Variants in CPSF4L observed in about 807,000 individuals in gnomAD.
CPSF4L encodes cleavage and polyadenylation specific factor 4 like.
In CPSF4L, 18 loss-of-function variants were observed where a neutral mutation model predicts 24.0. The observed-to-expected ratio is 0.75, with a 90% CI of 0.52 to 1.11. The LOEUF is 1.11. Ranked by LOEUF, CPSF4L falls within the 50% of genes least tolerant of loss-of-function variation. The probability of loss-of-function intolerance (pLI) is 0.00; values close to 1 mark genes in which losing one functional copy is unlikely to be tolerated. For missense variants in CPSF4L, 211 were observed against 221.8 expected, an observed-to-expected ratio of 0.95 and a Z score of 0.31; for synonymous variants, 72 against 77.2, an observed-to-expected ratio of 0.93 and a Z score of 0.35.
downstream of CPSF4L, chr17:73,244,545 G>A (rs1568326078): frequency 9.8e-6 from 1 of 102,542 alleles, no homozygotes; most frequent in African/African-American, 3.7e-5. Flanking sequence ...TGGGCAACAA[G>A]TGAAACTGCA....
At position 73,248,826 on chromosome 17, in the gene CPSF4L, A is replaced by T. The variant is rs550021270; in HGVS notation, c.498-290T>A. On this transcript the variant is annotated intron_variant, in intron 5 of 5. Transcript: ENST00000344935. ...TACTTGGGAATGTGTAGTTTTTCTA[A>T]TGCACATTAAAATTTATTTTAGCTG... is the stretch of plus-strand genomic sequence containing the variant. The T allele has an allele frequency of 3.9e-4, 138 of 356,756 alleles. 1 individual carries two copies. Among genetic ancestry groups the T allele is most frequent in the African/African-American group, 2.7e-3 (127 of 47,856 alleles). 22.1% of individuals were successfully genotyped at this position (356,756 alleles called of 1,614,324 possible). A position where few individuals can be genotyped will look rare whatever the true frequency, so the allele number is the denominator to read the frequency against.
intron 4 of CPSF4L, 73 bp downstream of exon 4, chr17:73,253,857 TG>T: frequency 1.1e-6 from 1 of 938,226 alleles, no homozygotes; most frequent in South Asian, 1.5e-5. Context: ...ATCAGGAAAA[TG>T]GCCCCTCCCC....
Position 73,261,185 on chromosome 17 carries a change from G to A in CPSF4L, c.104-202C>T, listed in dbSNP as rs1402935977. 3.9e-5 allele frequency among the ~76,000 whole-genome samples: 6 copies of A among 152,328 alleles called. No individual in the cohort carries two copies. In the East Asian group the frequency reaches 1.2e-3, roughly 29 times the overall value. ...TTAACCCCCCAACTCTGAAACAGAGGAGCTCGAGGGGCTCAAGCCTGGCCC... is the reference window on the plus strand; with the variant it reads ...TTAACCCCCCAACTCTGAAACAGAGAAGCTCGAGGGGCTCAAGCCTGGCCC... On this transcript the variant is annotated intron_variant, in intron 1 of 5. Transcript: ENST00000344935.
intron 5 of CPSF4L, chr17:73,250,132 T>G: frequency 2.0e-6 from 2 of 986,158 alleles, no homozygotes; most frequent in Non-Finnish European, 2.9e-6. Context: ...AGGCTACTTC[T>G]GCACCTCACT....
chr17:73,242,995 G>A, the CPSF4L span: 2 of 1,612,530 alleles, frequency 1.2e-6, no homozygotes, highest in Non-Finnish European at 1.7e-6. Context: ...TGGAGTTTCA[G>A]ACGTCTGAGT....
At chr17:73,252,580 G>C (rs1328522140) in intron 5 of CPSF4L, 50 bp downstream of exon 5, 1 of 1,143,086 alleles carries the variant, frequency 8.7e-7, no homozygotes, top group Non-Finnish European at 1.3e-6. Context: ...GAACTAGAAG[G>C]CCAGGCCTAG....
downstream of CPSF4L, among the ~76,000 whole-genome samples, chr17:73,246,419 CCAGCTACT>C (rs371193682): frequency 2.2e-4 from 33 of 152,272 alleles, no homozygotes; most frequent in South Asian, 3.1e-3. Flanking sequence ...GCCTGTAGTC[CCAGCTACT>C]CAGGAGGTTG....
At chr17:73,245,872 T>C (rs1426803961), downstream of CPSF4L, 2 of 299,628 alleles carry the variant, frequency 6.7e-6, no homozygotes, top group Non-Finnish European at 9.8e-6. Context: ...CCTGGAAACT[T>C]TTCAGAATCC....
intron 5 of CPSF4L, chr17:73,251,192 A>T: frequency 7.4e-7 from 1 of 1,357,248 alleles, no homozygotes; most frequent in South Asian, 1.9e-5. Flanking sequence ...GACGCTGGCC[A>T]TGCATTTAGG....
intron 1 of CPSF4L, 60 bp downstream of exon 1, chr17:73,261,656 G>T: frequency 1.7e-6 from 2 of 1,188,944 alleles, no homozygotes; most frequent in Non-Finnish European, 2.4e-6. Flanking sequence ...GCGAGACTCC[G>T]TCTCAAAGAA....
At position 73,251,963 on chromosome 17, in the gene CPSF4L, C is replaced by G. The variant is rs372428251; in HGVS notation, c.497+667G>C. The stretch of plus-strand genomic sequence containing the variant: ...TCCTACCCTACCCACAGCAGAGATT[C>G]TAGAGGTTGGAGAGTAGTCTGGGAG... On this transcript the variant is annotated intron_variant, in intron 5 of 5. Coordinates refer to ENST00000344935, the MANE Select transcript of CPSF4L (RefSeq NM_001129885.1). 2.0e-4 allele frequency among the ~76,000 whole-genome samples: 31 copies of G among 152,352 alleles called. 1 individual carries two copies. In the South Asian group the frequency reaches 5.8e-3, roughly 28 times the overall value.
chr17:73,252,991 G>T (rs1405700833), intron 4 of CPSF4L, among the ~76,000 whole-genome samples: 4 of 18,954 alleles, frequency 2.1e-4, no homozygotes, highest in African/African-American at 3.1e-4. Context: ...GACATGCTGT[G>T]TCCTGGAGGA....
Position 73,260,923 on chromosome 17 carries a change from G to C in CPSF4L, c.154+10C>G, listed in dbSNP as rs2062042526. On this transcript the variant is annotated intron_variant, in intron 2 of 5. Coordinates refer to ENST00000344935, the MANE Select transcript of CPSF4L (RefSeq NM_001129885.1). ...CCCAGCTTGGGGCCCAGGCCTGTCT[G>C]CTAACTCACCTTTCTCACAGAGCCC... 2.6e-6 allele frequency: 4 copies of C among 1,549,944 alleles called. No homozygotes were observed. The East Asian group carries it at 9.8e-5, about 38-fold the overall frequency.
chr17:73,257,646 C>T (rs879810916), intron 3 of CPSF4L, 35 bp downstream of exon 3: 6 of 1,549,132 alleles, frequency 3.9e-6, no homozygotes, highest in Non-Finnish European at 5.2e-6. Context: ...CTGCCACCCT[C>T]CAGGGTGAGG....
At chr17:73,243,106 CT>C in the CPSF4L span, 1 of 603,108 alleles carries the variant, frequency 1.7e-6, no homozygotes, top group Non-Finnish European at 2.7e-6. Flanking sequence ...TTTTTTACAG[CT>C]TTACAGTATC....
the CPSF4L span, chr17:73,242,185 GT>G: frequency 3.0e-5 from 35 of 1,164,334 alleles, no homozygotes; most frequent in Admixed American, 7.8e-4. Flanking sequence ...GGCACTGGAT[GT>G]TAGGGAAGGG....
chr17:73,243,891 C>G (rs2061897130), downstream of CPSF4L, among the ~76,000 whole-genome samples: 1 of 152,160 alleles, frequency 6.6e-6, no homozygotes, highest in Non-Finnish European at 1.5e-5. Context: ...TGTTACCCTG[C>G]TCCAATGGAA....
At chr17:73,252,387 CTT>C (rs975967120) in intron 5 of CPSF4L, among the ~76,000 whole-genome samples, 29 of 152,168 alleles carry the variant, frequency 1.9e-4, no homozygotes, top group African/African-American at 6.8e-4. Context: ...TGTTTCTTCT[CTT>C]ATTACTAGAA....
At chr17:73,250,882 AAAAGG>A in intron 5 of CPSF4L, 1 of 1,011,618 alleles carries the variant, frequency 9.9e-7, no homozygotes, top group Non-Finnish European at 1.4e-6. Flanking sequence ...TCTGCTGCAG[AAAAGG>A]AGTCATTCTC....
Sources: gnomAD v4.1 joint callset for allele counts (sites outside exome capture counted in the v4.1 genomes callset) on GRCh38, gnomAD v4.1.1 for gene constraint, MANE v1.5 for transcripts, NCBI Gene and HGNC (gene_info 2026-07-23, HGNC 2026-07-21) for gene names.